MACROD2: variants seen among roughly 807,000 people sequenced by gnomAD.
MACROD2 encodes the protein ADP-ribose glycohydrolase MACROD2.
A neutral mutation model predicts 70.4 loss-of-function variants in MACROD2; 36 were observed. The observed-to-expected ratio is 0.51, with a 90% CI of 0.39 to 0.68. MACROD2 has a LOEUF of 0.68. Ranked by LOEUF, MACROD2 falls within the 30% of genes least tolerant of loss-of-function variation. MACROD2 has a pLI of 0.00. For synonymous variants in MACROD2, 172 were observed against 178.8 expected (o/e 0.96, Z 0.30); for missense variants, 496 against 538.4 (o/e 0.92, Z 0.78).
chr20:15,375,194 T>G (rs1389843889), intron 6 of MACROD2, among the ~76,000 whole-genome samples: 1 of 152,198 alleles, frequency 6.6e-6, no homozygotes, highest in Non-Finnish European at 1.5e-5. Context: ...AATTTATCAT[T>G]ATTTTAAAGT....
At chr20:15,280,813 C>G (rs1018329241) in intron 6 of MACROD2, 4 of 152,230 alleles carry the variant, frequency 2.6e-5, no homozygotes, top group African/African-American at 9.7e-5. Flanking sequence ...TCAGGGCAGA[C>G]CTTGCTTAGC....
At chr20:15,189,841 GA>G (rs1484517271) in intron 5 of MACROD2, among the ~76,000 whole-genome samples, 1 of 152,100 alleles carries the variant, frequency 6.6e-6, no homozygotes, top group Non-Finnish European at 1.5e-5. Context: ...TCACCGAGAT[GA>G]TTTTTTTTTT....
intron 3 of MACROD2, among the ~76,000 whole-genome samples, chr20:14,451,754 G>A (rs1206543080): frequency 6.6e-6 from 1 of 152,180 alleles, no homozygotes; most frequent in Non-Finnish European, 1.5e-5. Flanking sequence ...CTGTGTGCAA[G>A]AAAGTGGTAA....
intron 12 of MACROD2, among the ~76,000 whole-genome samples, chr20:15,942,513 A>G (rs1392482589): frequency 1.3e-5 from 2 of 152,258 alleles, no homozygotes; most frequent in East Asian, 1.9e-4. Flanking sequence ...TTCTTTCTCT[A>G]CTGGTTAAAA....
In MACROD2 at chr20:14,466,232, T is replaced by C. The variant is rs2084446582; in HGVS notation, c.272-27247T>C. Among the ~76,000 whole-genome samples the C allele has an allele frequency of 2.0e-5, 3 of 151,440 alleles. No individual in the cohort carries two copies. The South Asian group carries it at 6.2e-4, about 31-fold the overall frequency. ...ATATTCCTTGGAGGCTTTGTTGATT[T>C]CTTTTTATTCTTTTTTCTCTAAACT... is the stretch of plus-strand genomic sequence containing the variant. On this transcript the variant is annotated intron_variant, in intron 3 of 17. Coordinates refer to ENST00000684519, the MANE Select transcript of MACROD2 (RefSeq NM_001351661.2).
intron 2 of MACROD2, among the ~76,000 whole-genome samples, chr20:14,082,274 G>A (rs1169354425): frequency 7.0e-6 from 1 of 142,636 alleles, no homozygotes; most frequent in Non-Finnish European, 1.5e-5. Flanking sequence ...CACCTCCCAG[G>A]TTCCAGTGAT....
At chr20:14,845,466 C>T (rs181047811) in intron 5 of MACROD2, among the ~76,000 whole-genome samples, 32 of 152,018 alleles carry the variant, frequency 2.1e-4, no homozygotes, top group African/African-American at 7.7e-4. Context: ...TATTCAATGT[C>T]CACCCTCTCA....
intron 3 of MACROD2, among the ~76,000 whole-genome samples, chr20:14,432,899 T>A: frequency 6.6e-6 from 1 of 152,138 alleles, no homozygotes; most frequent in African/African-American, 2.4e-5. Context: ...AAGAATTGCT[T>A]TCAGAATCTA....
intron 3 of MACROD2, among the ~76,000 whole-genome samples, chr20:14,137,034 G>A (rs2054807218): frequency 6.6e-6 from 1 of 152,122 alleles, no homozygotes; most frequent in South Asian, 2.1e-4. Flanking sequence ...TGTGCTTTAA[G>A]CACATCTCAC....
intron 5 of MACROD2, among the ~76,000 whole-genome samples, chr20:14,749,180 G>C (rs2071837606): frequency 6.6e-6 from 1 of 151,996 alleles, no homozygotes; most frequent in South Asian, 2.1e-4. Flanking sequence ...TATAACCCAT[G>C]CCATTAGAAA....
At chr20:15,412,367 T>G (rs2046090626) in intron 6 of MACROD2, among the ~76,000 whole-genome samples, 1 of 152,170 alleles carries the variant, frequency 6.6e-6, no homozygotes, top group Non-Finnish European at 1.5e-5. Flanking sequence ...AATAGAGACA[T>G]TGAATACCCT....
intron 3 of MACROD2, among the ~76,000 whole-genome samples, chr20:14,458,970 T>C (rs374440736): frequency 1.6e-4 from 25 of 152,072 alleles, no homozygotes; most frequent in African/African-American, 6.0e-4. Flanking sequence ...TAGGTTAATA[T>C]TGGCAACACA....
At chr20:15,051,514 C>T (rs1299341277) in intron 5 of MACROD2, among the ~76,000 whole-genome samples, 2 of 152,082 alleles carry the variant, frequency 1.3e-5, no homozygotes, top group African/African-American at 4.8e-5. Flanking sequence ...GCAGTCTACA[C>T]ATGAAATTTC....
intron 17 of MACROD2, among the ~76,000 whole-genome samples, chr20:16,045,195 T>C (rs2067363320): frequency 6.6e-6 from 1 of 151,874 alleles, no homozygotes; most frequent in African/African-American, 2.4e-5. Context: ...CCCAGGAAAA[T>C]AAAAAGCCTG....
chr20:14,538,893 C>T (rs1456724484), intron 4 of MACROD2, among the ~76,000 whole-genome samples: 2 of 152,130 alleles, frequency 1.3e-5, no homozygotes, highest in Admixed American at 6.6e-5. Flanking sequence ...TATCTCTTTC[C>T]GTGCTCCCCA....
chr20:16,013,630 A>G (rs1384773567), intron 15 of MACROD2, among the ~76,000 whole-genome samples: 2 of 152,208 alleles, frequency 1.3e-5, no homozygotes, highest in Non-Finnish European at 2.9e-5. Context: ...CTGACTCTCC[A>G]TGGCCACGTT....
intron 10 of MACROD2, among the ~76,000 whole-genome samples, chr20:15,929,941 C>A (rs1003878279): frequency 6.6e-6 from 1 of 152,224 alleles, no homozygotes; most frequent in Admixed American, 6.5e-5. Flanking sequence ...CAGTAGAATT[C>A]TCACAGGTTT....
At chr20:14,501,231 G>A (rs2084911614) in intron 4 of MACROD2, among the ~76,000 whole-genome samples, 1 of 151,944 alleles carries the variant, frequency 6.6e-6, no homozygotes, top group Admixed American at 6.6e-5. Context: ...ATATGTAATT[G>A]AATAGATGGG....
At chr20:15,480,015 G>C (rs6110623) in intron 7 of MACROD2, among the ~76,000 whole-genome samples, 63,534 of 152,060 alleles carry the variant, frequency 0.42, 14,035 homozygotes, top group Non-Finnish European at 0.49. Flanking sequence ...TTGTAGAAAA[G>C]TCAGCAGAAC....
Sources: gnomAD v4.1 joint callset for allele counts (sites outside exome capture counted in the v4.1 genomes callset) on GRCh38, gnomAD v4.1.1 for gene constraint, MANE v1.5 for transcripts, NCBI Gene and HGNC (gene_info 2026-07-23, HGNC 2026-07-21) for gene names.